PPME1: variants seen among roughly 807,000 people sequenced by gnomAD.
PPME1 encodes the protein testicular secretory protein Li 39.
PPME1 carries 17 observed loss-of-function variants against 56.9 expected under a neutral mutation model. That is an observed-to-expected ratio of 0.30 (90% CI 0.20 to 0.45). The LOEUF (loss-of-function observed/expected upper bound fraction) is 0.45. Ranked by LOEUF, PPME1 falls within the 20% of genes least tolerant of loss-of-function variation. PPME1 has a pLI of 1.00. For missense variants in PPME1, 357 were observed against 483.2 expected, an observed-to-expected ratio of 0.74 and a Z score of 2.45; for synonymous variants, 122 against 156.2, an observed-to-expected ratio of 0.78 and a Z score of 1.63.
intron 3 of PPME1, among the ~76,000 whole-genome samples, chr11:74,212,011 C>G (rs1858489889): frequency 6.6e-6 from 1 of 152,086 alleles, no homozygotes; most frequent in African/African-American, 2.4e-5. Flanking sequence ...AATGTCCACA[C>G]AAAAAAGAAC....
At chr11:74,235,216 C>A (rs1438373959) in intron 7 of PPME1, among the ~76,000 whole-genome samples, 1 of 152,154 alleles carries the variant, frequency 6.6e-6, no homozygotes, top group Admixed American at 6.5e-5. Flanking sequence ...GGAATGCAGT[C>A]ATTTTGCTCT....
intron 4 of PPME1, among the ~76,000 whole-genome samples, chr11:74,224,638 TCTC>T (rs1426947322): frequency 2.8e-5 from 4 of 141,244 alleles, no homozygotes; most frequent in Admixed American, 2.8e-4. Context: ...GGTTTGTAGT[TCTC>T]CTTGAAGAGG....
At chr11:74,218,879 T>C (rs1318695135) in intron 3 of PPME1, among the ~76,000 whole-genome samples, 1 of 151,996 alleles carries the variant, frequency 6.6e-6, no homozygotes, top group South Asian at 2.1e-4. Context: ...AAAGCAAAAA[T>C]GGACAAATGG....
At chr11:74,182,137 A>AC (rs1857556191) in intron 1 of PPME1, among the ~76,000 whole-genome samples, 1 of 152,130 alleles carries the variant, frequency 6.6e-6, no homozygotes, top group Non-Finnish European at 1.5e-5. Context: ...AAATCAACAA[A>AC]CTAGGATTCT....
At chr11:74,187,598 C>T (rs1329027100) in intron 1 of PPME1, among the ~76,000 whole-genome samples, 1 of 152,076 alleles carries the variant, frequency 6.6e-6, no homozygotes, top group Non-Finnish European at 1.5e-5. Context: ...TTTTCTGAAA[C>T]CCTACTGAAA....
At chr11:74,251,345 G>C in intron 12 of PPME1, 4 of 1,354,410 alleles carry the variant, frequency 3.0e-6, no homozygotes, top group Non-Finnish European at 3.8e-6. Flanking sequence ...TAAACCACAG[G>C]CACAGTTAGG....
At chr11:74,198,534 T>C (rs1858053602) in intron 1 of PPME1, among the ~76,000 whole-genome samples, 1 of 152,202 alleles carries the variant, frequency 6.6e-6, no homozygotes, top group Non-Finnish European at 1.5e-5. Flanking sequence ...TGTTCACAAC[T>C]CACTGCATCC....
chr11:74,221,114 A>G (rs1001143131), intron 3 of PPME1, among the ~76,000 whole-genome samples: 1 of 152,154 alleles, frequency 6.6e-6, no homozygotes, highest in Non-Finnish European at 1.5e-5. Context: ...TCTGACAGGC[A>G]CCTATGATTG....
intron 3 of PPME1, among the ~76,000 whole-genome samples, chr11:74,215,878 T>G (rs536063311): frequency 6.6e-6 from 1 of 152,250 alleles, no homozygotes; most frequent in South Asian, 2.1e-4. Context: ...CAAAATAGAT[T>G]TCAAGACAAA....
chr11:74,194,397 C>G (rs1857926655), intron 1 of PPME1, among the ~76,000 whole-genome samples: 1 of 152,052 alleles, frequency 6.6e-6, no homozygotes, highest in Admixed American at 6.5e-5. Flanking sequence ...AGACAGTTGG[C>G]AAATGCCATC....
At chr11:74,245,915 G>C in intron 9 of PPME1, 161 bp from the exon 10 acceptor site, 1 of 667,232 alleles carries the variant, frequency 1.5e-6, no homozygotes, top group Admixed American at 3.5e-5. Context: ...CATACAACAA[G>C]ACTGTTGGAA....
At chr11:74,196,086 C>A (rs1412457420) in intron 1 of PPME1, among the ~76,000 whole-genome samples, 2 of 152,076 alleles carry the variant, frequency 1.3e-5, no homozygotes, top group Non-Finnish European at 2.9e-5. Context: ...GAAATTGAGA[C>A]AGATTAATTT....
chr11:74,215,353 G>T (rs1858602162), intron 3 of PPME1, among the ~76,000 whole-genome samples: 1 of 152,036 alleles, frequency 6.6e-6, no homozygotes, highest in South Asian at 2.1e-4. Flanking sequence ...AAGAAAAGAA[G>T]TAGAGACAAC....
At chr11:74,195,627 C>T (rs556765379) in intron 1 of PPME1, among the ~76,000 whole-genome samples, 2 of 152,200 alleles carry the variant, frequency 1.3e-5, no homozygotes, top group East Asian at 3.9e-4. Context: ...GTAAAATTAC[C>T]AGGTTGAAGG....
chr11:74,227,342 A>G (rs1172946496), intron 5 of PPME1, among the ~76,000 whole-genome samples: 2 of 152,018 alleles, frequency 1.3e-5, no homozygotes, highest in Non-Finnish European at 1.5e-5. Context: ...CTGGCACCAA[A>G]AAAATTTTTT....
intron 3 of PPME1, among the ~76,000 whole-genome samples, chr11:74,206,641 C>G (rs566627876): frequency 3.9e-4 from 59 of 152,274 alleles, no homozygotes; most frequent in East Asian, 1.4e-3. Context: ...AATCATAGCT[C>G]ACTACAACCT....
chr11:74,185,466 T>C (rs1374624711), intron 1 of PPME1, among the ~76,000 whole-genome samples: 2 of 152,158 alleles, frequency 1.3e-5, no homozygotes, highest in African/African-American at 4.8e-5. Context: ...GAATAGTAGC[T>C]TACATAAATG....
At chr11:74,213,199 G>A (rs1361113701) in intron 3 of PPME1, among the ~76,000 whole-genome samples, 1 of 152,234 alleles carries the variant, frequency 6.6e-6, no homozygotes. Flanking sequence ...TAGCCAGGCA[G>A]TACTTGCCAT....
At chr11:74,237,919 T>A (rs1009735644) in intron 8 of PPME1, 1 of 152,208 alleles carries the variant, frequency 6.6e-6, no homozygotes, top group African/African-American at 2.4e-5. Context: ...AGACCTCAAA[T>A]TTGTCTAATC....
Sources: allele counts gnomAD v4.1 joint callset (sites outside exome capture counted in the v4.1 genomes callset), GRCh38; gene constraint gnomAD v4.1.1; transcripts MANE v1.5; gene names NCBI Gene and HGNC (gene_info 2026-07-23, HGNC 2026-07-21).